Variants in PABPC4L observed in about 807,000 individuals in gnomAD.
PABPC4L encodes the protein poly(A) binding protein cytoplasmic 4 like.
For synonymous variants in PABPC4L, 169 were observed against 164.1 expected (o/e 1.03, Z -0.23); for missense variants, 452 against 451.4 (o/e 1.00, Z -0.01).
chr4:134,045,153 T>C, the PABPC4L span, among the ~76,000 whole-genome samples: 25 of 152,156 alleles, frequency 1.6e-4, no homozygotes, highest in Non-Finnish European at 3.4e-4. Context: ...TCTTCTGATA[T>C]AATCATCCTC....
At chr4:133,972,409 A>T in the PABPC4L span, among the ~76,000 whole-genome samples, 1 of 152,144 alleles carries the variant, frequency 6.6e-6, no homozygotes, top group Non-Finnish European at 1.5e-5. Flanking sequence ...TGTGTCACAC[A>T]TACCCCCCTG....
At chr4:134,180,731 C>G in the PABPC4L span, among the ~76,000 whole-genome samples, 1 of 151,508 alleles carries the variant, frequency 6.6e-6, no homozygotes. Context: ...CAAAAAAACC[C>G]TCAGAGATTA....
chr4:134,119,291 C>T, the PABPC4L span, among the ~76,000 whole-genome samples: 3 of 151,718 alleles, frequency 2.0e-5, no homozygotes, highest in African/African-American at 7.2e-5. Flanking sequence ...GGAAGATCTA[C>T]ATTTAAAACA....
chr4:134,187,134 G>T, the PABPC4L span, among the ~76,000 whole-genome samples: 2 of 152,058 alleles, frequency 1.3e-5, no homozygotes, highest in African/African-American at 2.4e-5. Context: ...AGACAGTGTG[G>T]CAATTCCTCA....
At chr4:134,042,124 C>T in the PABPC4L span, among the ~76,000 whole-genome samples, 1 of 152,110 alleles carries the variant, frequency 6.6e-6, no homozygotes, top group African/African-American at 2.4e-5. Flanking sequence ...GAGCTAATGC[C>T]TTTTGCAGGA....
In PABPC4L at chr4:134,200,301, TG is replaced by T; in HGVS notation, c.718del (p.His240MetfsTer11). ...KGFGFVSFDS[H>X]EAAKKAVEEM... ...TTCAACAGCTTTCTTGGCAGCCTCATGGCTATCAAAACTCACAAAGCCAAAG... is the reference window on the plus strand; with the variant it reads ...TTCAACAGCTTTCTTGGCAGCCTCATGCTATCAAAACTCACAAAGCCAAAG... On this transcript the variant is annotated frameshift_variant, in exon 2 of 2. Coordinates refer to ENST00000421491, the MANE Select transcript of PABPC4L (RefSeq NM_001114734.2). LOFTEE classifies it low-confidence loss of function (END_TRUNC). 1 of 1,585,306 alleles carries T rather than the reference TG, an allele frequency of 6.3e-7. No individual in the cohort carries two copies. Among genetic ancestry groups the T allele is most frequent in the South Asian group, 1.2e-5 (1 of 86,924 alleles).
At chr4:134,077,353 T>C in the PABPC4L span, among the ~76,000 whole-genome samples, 2 of 152,140 alleles carry the variant, frequency 1.3e-5, no homozygotes, top group Admixed American at 6.5e-5. Context: ...GTAAGATTGT[T>C]TTATGAAAGC....
the PABPC4L span, among the ~76,000 whole-genome samples, chr4:134,150,959 C>A: frequency 6.6e-6 from 1 of 152,152 alleles, no homozygotes; most frequent in Admixed American, 6.5e-5. Context: ...CATGAAAATA[C>A]ATGAACCGAA....
At chr4:134,047,878 A>C in the PABPC4L span, among the ~76,000 whole-genome samples, 1 of 150,174 alleles carries the variant, frequency 6.7e-6, no homozygotes, top group Admixed American at 6.6e-5. Context: ...TTCCTTCAGT[A>C]TTTTAAAGGG....
chr4:134,189,824 G>T, the PABPC4L span, among the ~76,000 whole-genome samples: 1 of 151,996 alleles, frequency 6.6e-6, no homozygotes, highest in African/African-American at 2.4e-5. Context: ...CTGGAATTGT[G>T]TATTTACTTT....
chr4:134,071,992 A>T, the PABPC4L span, among the ~76,000 whole-genome samples: 1 of 152,122 alleles, frequency 6.6e-6, no homozygotes, highest in African/African-American at 2.4e-5. Context: ...AGAATTTAGC[A>T]TACTGACAAA....
chr4:134,013,224 G>A, the PABPC4L span, among the ~76,000 whole-genome samples: 14 of 151,786 alleles, frequency 9.2e-5, no homozygotes, highest in Middle Eastern at 3.4e-3. Context: ...TCTGGGGGAG[G>A]GGCAGGAACC....
the PABPC4L span, among the ~76,000 whole-genome samples, chr4:134,068,346 C>G: frequency 6.6e-6 from 1 of 152,082 alleles, no homozygotes; most frequent in Non-Finnish European, 1.5e-5. Context: ...TAGCAATCCC[C>G]GCTTTTTCTT....
the PABPC4L span, among the ~76,000 whole-genome samples, chr4:134,120,285 C>A: frequency 6.8e-6 from 1 of 147,428 alleles, no homozygotes; most frequent in South Asian, 2.1e-4. Flanking sequence ...TCCTTTTAGC[C>A]ATTCTAATGA....
chr4:134,154,242 G>A, the PABPC4L span, among the ~76,000 whole-genome samples: 1 of 152,098 alleles, frequency 6.6e-6, no homozygotes, highest in African/African-American at 2.4e-5. Flanking sequence ...GACTGCCTGA[G>A]CTCAGGAGTT....
chr4:134,177,061 A>T, the PABPC4L span, among the ~76,000 whole-genome samples: 1 of 152,148 alleles, frequency 6.6e-6, no homozygotes, highest in South Asian at 2.1e-4. Flanking sequence ...GGCAGCTTCC[A>T]GCCCAGTGGT....
chr4:133,952,623 C>T, the PABPC4L span, among the ~76,000 whole-genome samples: 2 of 151,990 alleles, frequency 1.3e-5, no homozygotes, highest in African/African-American at 2.4e-5. Context: ...AACTATTTTT[C>T]GTGGTTGTTT....
the PABPC4L span, among the ~76,000 whole-genome samples, chr4:133,978,541 G>A: frequency 8.6e-5 from 13 of 150,632 alleles, no homozygotes; most frequent in Admixed American, 2.7e-4. Context: ...GCTTGAGCCC[G>A]GGAGGTGGAG....
the PABPC4L span, among the ~76,000 whole-genome samples, chr4:134,148,392 A>G: frequency 2.6e-5 from 4 of 152,150 alleles, no homozygotes; most frequent in African/African-American, 4.8e-5. Context: ...AAATTACAGG[A>G]TGATGGAGAG....
Sources: gnomAD v4.1 joint callset for allele counts (sites outside exome capture counted in the v4.1 genomes callset) on GRCh38, gnomAD v4.1.1 for gene constraint, MANE v1.5 for transcripts, NCBI Gene and HGNC (gene_info 2026-07-23, HGNC 2026-07-21) for gene names.